The following SCAMP2 variants were observed in gnomAD, a reference collection of about 807,000 sequenced individuals.
SCAMP2 encodes the protein secretory carrier membrane protein 2.
SCAMP2 carries 25 observed loss-of-function variants against 44.1 expected under a neutral mutation model. That is an observed-to-expected ratio of 0.57 (90% CI 0.41 to 0.79). The LOEUF is 0.79. Among genes scored for constraint, SCAMP2 ranks in the 30% least tolerant of loss-of-function variants. The pLI is 0.00. For missense variants in SCAMP2, 355 were observed against 411.0 expected (o/e 0.86, Z 1.18); for synonymous variants, 156 against 166.0 (o/e 0.94, Z 0.46).
rs2064385012 is a variant in SCAMP2, at chr15:74,844,956, G to C, written c.*127C>G. 9.1e-7 allele frequency: 1 copy of C among 1,102,556 alleles called. No individual in the cohort carries two copies. The highest frequency in any genetic ancestry group is 2.4e-5 in the Admixed American group (1 of 42,264). The allele number at this position is 1,102,556 out of a possible 1,614,324, so 68.3% of individuals were successfully genotyped here. ...GGAGAGCTGGTCGCTGAGGGAGGAG[G>C]AAGAGCCACGGCAAGAACCCTGCCA... On this transcript the variant is annotated 3_prime_UTR_variant, in exon 9 of 9. Transcript: ENST00000268099.
At chr15:74,864,545 G>A (rs1483877989) in intron 1 of SCAMP2, among the ~76,000 whole-genome samples, 1 of 152,162 alleles carries the variant, frequency 6.6e-6, no homozygotes, top group Non-Finnish European at 1.5e-5. Flanking sequence ...GCAGTCAGGG[G>A]TGACATGATC....
chr15:74,856,020 C>A (rs2064466644), intron 1 of SCAMP2, among the ~76,000 whole-genome samples: 1 of 152,036 alleles, frequency 6.6e-6, no homozygotes, highest in African/African-American at 2.4e-5. Flanking sequence ...CTGCCCTGCC[C>A]CAAGAAGAGC....
At chr15:74,854,429 T>C in intron 2 of SCAMP2, 152 bp downstream of exon 2, 1 of 773,108 alleles carries the variant, frequency 1.3e-6, no homozygotes, top group Non-Finnish European at 2.2e-6. Flanking sequence ...TTTGCCATCC[T>C]TACCCTGCCT....
intron 1 of SCAMP2, among the ~76,000 whole-genome samples, chr15:74,871,243 C>A (rs1287049743): frequency 6.6e-6 from 1 of 152,144 alleles, no homozygotes; most frequent in Non-Finnish European, 1.5e-5. Context: ...TGCTTGAGAC[C>A]AGGATTTCGA....
chr15:74,870,076 G>A (rs768268845), intron 1 of SCAMP2, among the ~76,000 whole-genome samples: 4 of 152,182 alleles, frequency 2.6e-5, no homozygotes, highest in Non-Finnish European at 4.4e-5. Context: ...AGCCCAGGAT[G>A]AGGAGGAGCA....
intron 5 of SCAMP2, 106 bp from the exon 6 acceptor site, chr15:74,850,779 G>T: frequency 8.0e-7 from 1 of 1,243,654 alleles, no homozygotes; most frequent in Non-Finnish European, 1.1e-6. Flanking sequence ...TGCGAAGGCA[G>T]CTGCTGAAAC....
intron 6 of SCAMP2, among the ~76,000 whole-genome samples, chr15:74,849,877 G>T (rs1246471106): frequency 6.6e-6 from 1 of 152,222 alleles, no homozygotes; most frequent in Non-Finnish European, 1.5e-5. Flanking sequence ...CTCACGAGCT[G>T]AGGACTTCCA....
chr15:74,845,401 A>G (rs1448380723), intron 8 of SCAMP2, 72 bp downstream of exon 8: 29 of 1,611,214 alleles, frequency 1.8e-5, no homozygotes, highest in Non-Finnish European at 2.3e-5. Context: ...GGTGAAAAAC[A>G]TCTCGTGGCA....
At chr15:74,872,571 GT>G (rs2064584405) in intron 1 of SCAMP2, among the ~76,000 whole-genome samples, 1 of 152,078 alleles carries the variant, frequency 6.6e-6, no homozygotes, top group African/African-American at 2.4e-5. Flanking sequence ...CTCCTATCTG[GT>G]CAAAACCCAC....
At chr15:74,856,259 CAGTTCTT>C (rs1326812421) in intron 1 of SCAMP2, among the ~76,000 whole-genome samples, 1 of 142,204 alleles carries the variant, frequency 7.0e-6, no homozygotes, top group Admixed American at 7.4e-5. Context: ...TCTGCAGAGC[CAGTTCTT>C]TTTTTTTTTT....
intron 1 of SCAMP2, among the ~76,000 whole-genome samples, chr15:74,871,563 A>G (rs550085334): frequency 1.4e-3 from 208 of 149,944 alleles, no homozygotes; most frequent in African/African-American, 5.0e-3. Flanking sequence ...GACCAGCCTG[A>G]CCAACGTGGA....
At chr15:74,847,299 AG>A (rs2064406202) in intron 7 of SCAMP2, among the ~76,000 whole-genome samples, 1 of 152,112 alleles carries the variant, frequency 6.6e-6, no homozygotes, top group African/African-American at 2.4e-5. Context: ...CATGTTGGCC[AG>A]GCTGGTCTCA....
chr15:74,850,859 G>C (rs548766467), intron 5 of SCAMP2, among the ~76,000 whole-genome samples, 186 bp from the exon 6 acceptor site: 78 of 152,336 alleles, frequency 5.1e-4, no homozygotes, highest in Non-Finnish European at 9.9e-4. Context: ...TCAAAACCAG[G>C]GATCAAACTA....
rs1354821741 is a variant in SCAMP2, at chr15:74,861,359, A to T, written c.58-6710T>A. 7.2e-5 allele frequency among the ~76,000 whole-genome samples: 11 copies of T among 152,298 alleles called. No individual in the cohort carries two copies. In the East Asian group the frequency reaches 1.3e-3, roughly 19 times the overall value. Reference sequence around the variant, plus strand: ...TGGCTAGCTGGGTCCCAGTGCACAAAGAGCCACAATTGACCTTGGTGCTCT... The same window carrying T: ...TGGCTAGCTGGGTCCCAGTGCACAATGAGCCACAATTGACCTTGGTGCTCT... On this transcript the variant is annotated intron_variant, in intron 1 of 8. Coordinates refer to ENST00000268099, the MANE Select transcript of SCAMP2 (RefSeq NM_005697.5).
intron 1 of SCAMP2, among the ~76,000 whole-genome samples, chr15:74,859,109 A>G (rs1168933062): frequency 6.6e-6 from 1 of 151,992 alleles, no homozygotes; most frequent in Non-Finnish European, 1.5e-5. Context: ...GCCCGGTCCT[A>G]ACTGGCTTTT....
intron 1 of SCAMP2, among the ~76,000 whole-genome samples, chr15:74,864,351 G>A (rs1039742542): frequency 8.5e-5 from 13 of 152,122 alleles, no homozygotes; most frequent in South Asian, 4.1e-4. Flanking sequence ...TTGAGCCACC[G>A]CACCTGGCCG....
intron 1 of SCAMP2, among the ~76,000 whole-genome samples, chr15:74,867,395 C>T (rs117424926): frequency 2.9e-3 from 447 of 152,352 alleles, no homozygotes; most frequent in Middle Eastern, 0.01. Context: ...TCAAAGTTCA[C>T]CTATCTCTCT....
intron 1 of SCAMP2, among the ~76,000 whole-genome samples, chr15:74,861,898 CT>C (rs2064506590): frequency 9.0e-6 from 1 of 111,552 alleles, no homozygotes; most frequent in Non-Finnish European, 1.7e-5. Flanking sequence ...AAGACTCTGT[CT>C]CAAAAAAAAA....
chr15:74,845,637 G>A (rs773747408), intron 7 of SCAMP2, 44 bp from the exon 8 acceptor site: 4 of 1,609,972 alleles, frequency 2.5e-6, no homozygotes, highest in Non-Finnish European at 3.4e-6. Context: ...GTGGGAGTGG[G>A]CTCCAAAAGT....
Sources: gnomAD v4.1 joint callset for allele counts (sites outside exome capture counted in the v4.1 genomes callset) on GRCh38, gnomAD v4.1.1 for gene constraint, MANE v1.5 for transcripts, NCBI Gene and HGNC (gene_info 2026-07-23, HGNC 2026-07-21) for gene names.